Variants in TMEM114 observed in about 807,000 individuals in gnomAD.
TMEM114 encodes claudin-26.
In TMEM114, 6 loss-of-function variants were observed where a neutral mutation model predicts 6.2. The observed-to-expected ratio is 0.97, with a 90% CI of 0.53 to 1.91. TMEM114 has a LOEUF of 1.91. TMEM114 is among the 40% of genes most tolerant of loss of function. TMEM114 has a pLI of 0.01. For synonymous variants in TMEM114, 104 were observed against 73.0 expected, an observed-to-expected ratio of 1.42 and a Z score of -2.16; for missense variants, 218 against 158.3, an observed-to-expected ratio of 1.38 and a Z score of -2.02.
At position 8,584,388 on chromosome 16, in the gene TMEM114, C is replaced by T. The variant is rs548828178; in HGVS notation, c.301+4825G>A. ...CCTTTCCACCAAAAATAATTCCAGTCCCTAGCCCAAGAAACAAACCCACGA... is the reference window on the plus strand; with the variant it reads ...CCTTTCCACCAAAAATAATTCCAGTTCCTAGCCCAAGAAACAAACCCACGA... On this transcript the variant is annotated intron_variant, in intron 2 of 3. Transcript: ENST00000620492. Among the ~76,000 whole-genome samples, 103 of 152,296 alleles carry T rather than the reference C, an allele frequency of 6.8e-4. No homozygotes were observed. In the Middle Eastern group the frequency reaches 0.014, roughly 20 times the overall value.
intron 2 of TMEM114, among the ~76,000 whole-genome samples, chr16:8,575,473 C>A (rs1901889322): frequency 6.6e-6 from 1 of 152,162 alleles, no homozygotes; most frequent in Non-Finnish European, 1.5e-5. Flanking sequence ...CTACCATGAC[C>A]ATAGGTGTCT....
chr16:8,564,104 A>T (rs1399394364), intron 2 of TMEM114, among the ~76,000 whole-genome samples: 2 of 151,332 alleles, frequency 1.3e-5, no homozygotes, highest in East Asian at 1.9e-4. Context: ...TGAATGAGTG[A>T]GGAAATAAGT....
intron 2 of TMEM114, among the ~76,000 whole-genome samples, chr16:8,585,643 G>A (rs1025537713): frequency 2.0e-5 from 3 of 150,968 alleles, no homozygotes; most frequent in Non-Finnish European, 4.4e-5. Context: ...AAAAAAAAAA[G>A]CTCTTTCTGG....
intron 2 of TMEM114, among the ~76,000 whole-genome samples, chr16:8,552,822 C>T (rs760617646): frequency 2.0e-5 from 3 of 152,132 alleles, no homozygotes; most frequent in African/African-American, 7.2e-5. Context: ...TCTGCACAAA[C>T]CCCTCCCCTC....
intron 2 of TMEM114, among the ~76,000 whole-genome samples, chr16:8,581,400 T>A (rs1321518074): frequency 2.6e-5 from 4 of 152,232 alleles, no homozygotes; most frequent in African/African-American, 9.6e-5. Flanking sequence ...TTTCACTGTT[T>A]CAAACTGGTA....
downstream of TMEM114, among the ~76,000 whole-genome samples, chr16:8,569,069 C>G (rs1032376143): frequency 6.6e-6 from 1 of 152,210 alleles, no homozygotes. Context: ...AGAGTATCAA[C>G]AAGCCCATAG....
chr16:8,565,808 C>G (rs1296256565), downstream of TMEM114, among the ~76,000 whole-genome samples: 1 of 152,280 alleles, frequency 6.6e-6, no homozygotes, highest in East Asian at 1.9e-4. Flanking sequence ...GGTCCGCCCT[C>G]GAGGGTCTGA....
At chr16:8,555,459 G>A (rs902665728) in intron 2 of TMEM114, among the ~76,000 whole-genome samples, 1 of 122,340 alleles carries the variant, frequency 8.2e-6, no homozygotes, top group African/African-American at 3.2e-5. Flanking sequence ...TAGAAAATGA[G>A]CAGTAATTTC....
chr16:8,575,981 C>G (rs1162901043), intron 2 of TMEM114, among the ~76,000 whole-genome samples: 1 of 152,164 alleles, frequency 6.6e-6, no homozygotes, highest in Non-Finnish European at 1.5e-5. Flanking sequence ...CAGTTTCCAG[C>G]TTCTGGGAAC....
At chr16:8,558,128 T>C (rs8058240) in intron 2 of TMEM114, among the ~76,000 whole-genome samples, 67,922 of 151,854 alleles carry the variant, frequency 0.45, 15,653 homozygotes, top group African/African-American at 0.54. Flanking sequence ...TGGTGCATGC[T>C]TGTAATCCCA....
intron 3 of TMEM114, among the ~76,000 whole-genome samples, chr16:8,571,433 T>C (rs973089515): frequency 3.9e-5 from 6 of 152,188 alleles, no homozygotes; most frequent in Non-Finnish European, 8.8e-5. Context: ...AGCATTTCTT[T>C]TGTGTGTGGT....
At chr16:8,540,113 T>C (rs999341967) in intron 2 of TMEM114, among the ~76,000 whole-genome samples, 1 of 152,228 alleles carries the variant, frequency 6.6e-6, no homozygotes, top group African/African-American at 2.4e-5. Flanking sequence ...CTTGAACTGC[T>C]GTGCCGGGCC....
At chr16:8,530,555 A>G in the TMEM114 span, among the ~76,000 whole-genome samples, 1 of 143,024 alleles carries the variant, frequency 7.0e-6, no homozygotes, top group Non-Finnish European at 1.6e-5. Flanking sequence ...AAGAGAAAGG[A>G]AGACAGCGAG....
In TMEM114 at chr16:8,590,398, C is replaced by A. The variant is rs1377402337; in HGVS notation, c.-560G>T. ...CCCAGCCCTTTTTCTTGGCCCCACA[C>A]TGCCAGATCCCCACTCCCAGCCCTG... is the stretch of plus-strand genomic sequence containing the variant. On this transcript the variant is annotated 5_prime_UTR_variant, in exon 1 of 4. Coordinates refer to ENST00000620492, the MANE Select transcript of TMEM114 (RefSeq NM_001146336.2). Among the ~76,000 whole-genome samples the A allele has an allele frequency of 6.6e-6, 1 of 152,358 alleles. No individual in the cohort carries two copies.
chr16:8,547,909 T>C (rs531090139), intron 2 of TMEM114, among the ~76,000 whole-genome samples: 12 of 152,264 alleles, frequency 7.9e-5, no homozygotes, highest in African/African-American at 2.2e-4. Context: ...ATTCCTTTGA[T>C]GGGCCTGTGG....
chr16:8,585,623 A>G (rs1902293718), intron 2 of TMEM114, among the ~76,000 whole-genome samples: 2 of 149,852 alleles, frequency 1.3e-5, no homozygotes, highest in Admixed American at 1.3e-4. Context: ...AAAAGACATT[A>G]TGCGGAGAAA....
intron 2 of TMEM114, among the ~76,000 whole-genome samples, chr16:8,587,960 G>A (rs1283479455): frequency 1.3e-5 from 2 of 151,856 alleles, no homozygotes; most frequent in African/African-American, 4.8e-5. Flanking sequence ...ACCAGCCTGG[G>A]AAACATAGTA....
chr16:8,535,697 C>T (rs1034042598), downstream of TMEM114, among the ~76,000 whole-genome samples: 1 of 152,140 alleles, frequency 6.6e-6, no homozygotes, highest in Non-Finnish European at 1.5e-5. Context: ...GTCGTGGGAA[C>T]GTCACCTGCA....
chr16:8,559,485 C>A (rs984163590), intron 2 of TMEM114, among the ~76,000 whole-genome samples: 9 of 152,176 alleles, frequency 5.9e-5, no homozygotes, highest in African/African-American at 1.7e-4. Context: ...GCTGCTACTT[C>A]CAAGCAAGGA....
Sources: gnomAD v4.1 joint callset for allele counts (sites outside exome capture counted in the v4.1 genomes callset) on GRCh38, gnomAD v4.1.1 for gene constraint, MANE v1.5 for transcripts, NCBI Gene and HGNC (gene_info 2026-07-23, HGNC 2026-07-21) for gene names.